KCNMA1: variants seen among roughly 807,000 people sequenced by gnomAD.
KCNMA1 encodes Calcium-activated potassium channel subunit alpha-1.
Under a neutral mutation model 140.0 loss-of-function variants are expected in KCNMA1, and 29 were observed. That is an observed-to-expected ratio of 0.21 (90% CI 0.15 to 0.28). The LOEUF (loss-of-function observed/expected upper bound fraction) is 0.28, where lower values mean the gene tolerates loss of function less well. KCNMA1 is among the 10% of genes least tolerant of loss of function. The probability of loss-of-function intolerance (pLI) is 1.00; values close to 1 mark genes in which losing one functional copy is unlikely to be tolerated. For synonymous variants in KCNMA1, 612 were observed against 611.9 expected (o/e 1.00, Z 0.00); for missense variants, 880 against 1,602.2 (o/e 0.55, Z 7.70).
chr10:76,895,385 C>T (rs1483628877), intron 25 of KCNMA1, among the ~76,000 whole-genome samples: 5 of 152,126 alleles, frequency 3.3e-5, no homozygotes, highest in Admixed American at 6.5e-5. Context: ...GGCAGTTCCT[C>T]ATATGTTTGA....
chr10:77,154,657 T>C (rs61701441), intron 5 of KCNMA1, among the ~76,000 whole-genome samples: 4,377 of 152,278 alleles, frequency 0.029, 194 homozygotes, highest in African/African-American at 0.098. Flanking sequence ...TACAGATATA[T>C]AGAGGCAGAG....
At chr10:77,510,678 G>A (rs2048049548) in intron 1 of KCNMA1, among the ~76,000 whole-genome samples, 1 of 151,644 alleles carries the variant, frequency 6.6e-6, no homozygotes, top group Non-Finnish European at 1.5e-5. Flanking sequence ...CACGCCTGTA[G>A]TCCCAGCTAC....
intron 1 of KCNMA1, among the ~76,000 whole-genome samples, chr10:77,518,218 T>C (rs1164214036): frequency 6.6e-6 from 1 of 152,228 alleles, no homozygotes; most frequent in African/African-American, 2.4e-5. Flanking sequence ...GCCTGTTTCA[T>C]ATTCTAAAAC....
rs755202928 is a variant in KCNMA1 at position 76,889,486 on chromosome 10, A to G, written c.3426T>C (p.Asp1142=). 3 of 1,613,828 alleles carry G rather than the reference A, an allele frequency of 1.9e-6. No homozygotes were observed. In the Admixed American group the frequency reaches 5.0e-5, roughly 27 times the overall value. Residue 1142 remains aspartate, a synonymous_variant, in exon 27 of 28, where the codon GAT becomes GAC. Transcript: ENST00000286628. ...ACTGACTGGGGGTGCTGAGGTGAGC[A>G]TCTCTCAGCCGGTAAATTCCAAAAC... The part of the protein sequence containing the change: ...MLCFGIYRLR[D]AHLSTPSQCT...
chr10:77,103,173 G>T (rs986691784), intron 9 of KCNMA1, among the ~76,000 whole-genome samples: 4 of 152,164 alleles, frequency 2.6e-5, no homozygotes, highest in African/African-American at 9.7e-5. Context: ...TTACAATAAA[G>T]AAGATAATTA....
intron 3 of KCNMA1, among the ~76,000 whole-genome samples, chr10:77,206,084 A>G (rs1370657020): frequency 6.6e-6 from 1 of 152,202 alleles, no homozygotes; most frequent in Non-Finnish European, 1.5e-5. Flanking sequence ...GAGTGGGTCC[A>G]TTTGCAAATA....
chr10:77,007,653 G>GTGTGTGTGTGTATATATATA lies in KCNMA1; in HGVS notation c.2092+4313_2092+4314insTATATATATACACACACACA. Among the ~76,000 whole-genome samples the GTGTGTGTGTGTATATATATA allele has an allele frequency of 1.9e-3, 168 of 88,458 alleles. 4 individuals carry two copies. Among genetic ancestry groups the GTGTGTGTGTGTATATATATA allele is most frequent in the Middle Eastern group, 8.9e-3 (1 of 112 alleles). The allele number at this position is 88,458 out of a possible 152,430, so 58.0% of individuals were successfully genotyped here. ...ACATCATGGTACATATTGTGTGTGT[G>GTGTGTGTGTGTATATATATA]TATATATATATATATATATATATGT... On this transcript the variant is annotated intron_variant, in intron 18 of 27. Transcript: ENST00000286628.
chr10:77,389,248 C>T (rs1425110206), intron 2 of KCNMA1, among the ~76,000 whole-genome samples: 2 of 152,212 alleles, frequency 1.3e-5, no homozygotes, highest in Non-Finnish European at 2.9e-5. Context: ...GCTCCTGCCA[C>T]CCCCCTGAGT....
chr10:77,280,351 A>G (rs1405268470), intron 2 of KCNMA1, among the ~76,000 whole-genome samples: 1 of 152,210 alleles, frequency 6.6e-6, no homozygotes, highest in Non-Finnish European at 1.5e-5. Flanking sequence ...AGTGACAGCA[A>G]TGCAAATAAT....
intron 1 of KCNMA1, among the ~76,000 whole-genome samples, chr10:77,478,800 C>T (rs989755464): frequency 8.6e-5 from 13 of 151,882 alleles, no homozygotes; most frequent in Admixed American, 4.6e-4. Flanking sequence ...CAGTACAATG[C>T]TATTTATAAT....
chr10:77,295,002 T>G (rs1264136001), intron 2 of KCNMA1, among the ~76,000 whole-genome samples: 2 of 152,160 alleles, frequency 1.3e-5, no homozygotes, highest in East Asian at 3.9e-4. Context: ...AAAAATATGT[T>G]GTAGCTGTTT....
chr10:77,034,665 G>A (rs1249665834), intron 15 of KCNMA1, among the ~76,000 whole-genome samples: 1 of 152,178 alleles, frequency 6.6e-6, no homozygotes, highest in African/African-American at 2.4e-5. Context: ...TGGGCTTGGG[G>A]ACAGAACTCC....
chr10:77,526,910 A>G (rs764199377), intron 1 of KCNMA1, among the ~76,000 whole-genome samples: 8 of 152,112 alleles, frequency 5.3e-5, no homozygotes, highest in Non-Finnish European at 1.2e-4. Flanking sequence ...TAACAAAAGA[A>G]ACAATAATTA....
intron 1 of KCNMA1, among the ~76,000 whole-genome samples, chr10:77,560,737 G>A (rs781673269): frequency 5.9e-5 from 9 of 152,214 alleles, no homozygotes; most frequent in Non-Finnish European, 1.2e-4. Context: ...GCCCTGAGAA[G>A]AGATGCCAGC....
chr10:77,523,364 G>A (rs540240070), intron 1 of KCNMA1, among the ~76,000 whole-genome samples: 31 of 152,304 alleles, frequency 2.0e-4, no homozygotes, highest in African/African-American at 7.5e-4. Flanking sequence ...TGGTCCCATT[G>A]GTAAATATAG....
chr10:76,904,306 A>G (rs2046866627), intron 25 of KCNMA1: 1 of 152,168 alleles, frequency 6.6e-6, no homozygotes, highest in Non-Finnish European at 1.5e-5. Context: ...TGGACATGCA[A>G]ACTCCTGCCC....
intron 21 of KCNMA1, among the ~76,000 whole-genome samples, chr10:76,951,225 A>G (rs1296740814): frequency 6.6e-6 from 1 of 152,204 alleles, no homozygotes; most frequent in East Asian, 1.9e-4. Context: ...ACCCATCCTC[A>G]GACTGGCCAC....
chr10:77,558,836 C>A (rs182395831), intron 1 of KCNMA1, among the ~76,000 whole-genome samples: 1 of 152,368 alleles, frequency 6.6e-6, no homozygotes, highest in East Asian at 1.9e-4. Flanking sequence ...GGTACCTTGA[C>A]ACAGTACCTC....
chr10:76,938,676 C>T (rs1231402320), intron 23 of KCNMA1, among the ~76,000 whole-genome samples: 1 of 152,192 alleles, frequency 6.6e-6, no homozygotes, highest in African/African-American at 2.4e-5. Context: ...AGCTTCCTAA[C>T]TCAAGAAAGA....
Sources: gnomAD v4.1 joint callset for allele counts (sites outside exome capture counted in the v4.1 genomes callset) on GRCh38, gnomAD v4.1.1 for gene constraint, MANE v1.5 for transcripts, NCBI Gene and HGNC (gene_info 2026-07-23, HGNC 2026-07-21) for gene names.